Variants in ERC2 observed in about 807,000 individuals in gnomAD.
ERC2 encodes the protein ELKS/RAB6-interacting/CAST family member 2.
In ERC2, 42 loss-of-function variants were observed where a neutral mutation model predicts 114.8. The observed-to-expected ratio is 0.37, with a 90% CI of 0.29 to 0.47. The LOEUF is 0.47. ERC2 is among the 20% of genes least tolerant of loss of function. ERC2 has a pLI of 0.99. For missense variants in ERC2, 939 were observed against 1,150.7 expected, an observed-to-expected ratio of 0.82 and a Z score of 2.66; for synonymous variants, 454 against 425.5, an observed-to-expected ratio of 1.07 and a Z score of -0.82.
At chr3:56,422,439 G>T (rs1163526082) in intron 2 of ERC2, among the ~76,000 whole-genome samples, 1 of 152,120 alleles carries the variant, frequency 6.6e-6, no homozygotes, top group Non-Finnish European at 1.5e-5. Context: ...TTCTGGATGG[G>T]TTTCCAAGAC....
intron 16 of ERC2, among the ~76,000 whole-genome samples, chr3:55,699,056 T>C (rs1371532136): frequency 6.6e-6 from 1 of 152,088 alleles, no homozygotes; most frequent in Non-Finnish European, 1.5e-5. Context: ...AAGTGCTTTC[T>C]CTTAAAACTC....
intron 12 of ERC2, among the ~76,000 whole-genome samples, chr3:55,952,269 T>TAAATATTATTG (rs948935874): frequency 6.0e-5 from 9 of 150,398 alleles, no homozygotes; most frequent in African/African-American, 2.2e-4. Context: ...AGCCATGATT[T>TAAATATTATTG]AAATATTATT....
At chr3:56,256,546 A>G (rs1163693193) in intron 3 of ERC2, among the ~76,000 whole-genome samples, 1 of 151,692 alleles carries the variant, frequency 6.6e-6, no homozygotes, top group Non-Finnish European at 1.5e-5. Flanking sequence ...CTTAATTTCC[A>G]GGAATTTTTT....
chr3:56,069,258 CT>C (rs1324928848), intron 7 of ERC2, among the ~76,000 whole-genome samples: 1 of 152,166 alleles, frequency 6.6e-6, no homozygotes, highest in African/African-American at 2.4e-5. Context: ...CAGCAGCATT[CT>C]TTGTCAGTAT....
At chr3:56,196,640 A>G (rs2048124535) in intron 3 of ERC2, among the ~76,000 whole-genome samples, 1 of 152,184 alleles carries the variant, frequency 6.6e-6, no homozygotes, top group Non-Finnish European at 1.5e-5. Context: ...TCTAACAACT[A>G]CAGTGGTATA....
chr3:56,200,348 G>GAAAAAAAAAAAA (rs5849133), intron 3 of ERC2, among the ~76,000 whole-genome samples: 1 of 141,348 alleles, frequency 7.1e-6, no homozygotes. Flanking sequence ...ATACTCAGGG[G>GAAAAAAAAAAAA]AAAAAAAAAA....
Position 55,997,932 on chromosome 3 carries a change from T to G in ERC2, c.2062-5682A>C, listed in dbSNP as rs1559997336. Reference sequence around the variant, plus strand: ...TGTGTGTGTGTGTGTGTTTTTTGTTTTTTTTTTTTTTTTGGTAGAGATGGG... The same window carrying G: ...TGTGTGTGTGTGTGTGTTTTTTGTTGTTTTTTTTTTTTTGGTAGAGATGGG... On this transcript the variant is annotated intron_variant, in intron 10 of 17. Transcript: ENST00000288221. Among the ~76,000 whole-genome samples the G allele has an allele frequency of 1.2e-4, 16 of 138,250 alleles. No homozygotes were observed. The East Asian group carries it at 2.6e-3, about 23-fold the overall frequency. The allele number at this position is 138,250 out of a possible 152,430, so 90.7% of individuals were successfully genotyped here.
chr3:55,930,627 G>A (rs1357851455), intron 13 of ERC2, among the ~76,000 whole-genome samples: 2 of 152,122 alleles, frequency 1.3e-5, no homozygotes, highest in Non-Finnish European at 2.9e-5. Flanking sequence ...AGAGTTAAAC[G>A]TAAGATCTAA....
chr3:55,958,276 G>C (rs1028278003), intron 12 of ERC2, among the ~76,000 whole-genome samples: 1 of 152,212 alleles, frequency 6.6e-6, no homozygotes, highest in Non-Finnish European at 1.5e-5. Flanking sequence ...GAAGCAGGTA[G>C]CTCCTTCCCA....
intron 17 of ERC2, among the ~76,000 whole-genome samples, chr3:55,587,467 T>G (rs184555185): frequency 5.4e-4 from 82 of 152,378 alleles, no homozygotes; most frequent in Non-Finnish European, 7.2e-4. Flanking sequence ...TACCAGAACG[T>G]CTATCAATGA....
At chr3:56,091,936 C>T (rs2077814740) in intron 6 of ERC2, among the ~76,000 whole-genome samples, 1 of 151,322 alleles carries the variant, frequency 6.6e-6, no homozygotes, top group Non-Finnish European at 1.5e-5. Flanking sequence ...CTTCATTTAG[C>T]AGTCAAAAAT....
intron 6 of ERC2, among the ~76,000 whole-genome samples, chr3:56,091,485 A>C (rs767845261): frequency 1.2e-3 from 184 of 152,174 alleles, no homozygotes; most frequent in Non-Finnish European, 2.4e-3. Flanking sequence ...AAATGGCTAT[A>C]TGATTTGGAA....
chr3:56,002,176 C>A (rs1464748859), intron 10 of ERC2, among the ~76,000 whole-genome samples: 1 of 152,136 alleles, frequency 6.6e-6, no homozygotes, highest in East Asian at 1.9e-4. Flanking sequence ...GAACATCTTG[C>A]AGATCAAGCT....
At chr3:56,207,298 ATAGTT>A (rs949899902) in intron 3 of ERC2, among the ~76,000 whole-genome samples, 28 of 152,136 alleles carry the variant, frequency 1.8e-4, no homozygotes, top group African/African-American at 6.3e-4. Flanking sequence ...AAAACACACA[ATAGTT>A]TAGGGCAAAA....
intron 13 of ERC2, among the ~76,000 whole-genome samples, chr3:55,895,282 G>C (rs2063789347): frequency 6.6e-6 from 1 of 152,192 alleles, no homozygotes; most frequent in East Asian, 1.9e-4. Flanking sequence ...CAAAATATTT[G>C]AGGGCGGGAG....
chr3:55,952,165 A>T (rs2067580245), intron 12 of ERC2, among the ~76,000 whole-genome samples: 1 of 85,926 alleles, frequency 1.2e-5, no homozygotes, highest in Non-Finnish European at 2.4e-5. Flanking sequence ...ACACACACAC[A>T]CACACACACA....
chr3:55,704,835 C>T (rs560090072), intron 15 of ERC2, among the ~76,000 whole-genome samples: 4 of 152,342 alleles, frequency 2.6e-5, no homozygotes, highest in East Asian at 1.9e-4. Context: ...ATTCACTCAA[C>T]ACTTACTGAA....
At chr3:56,420,832 G>A (rs1159448923) in intron 2 of ERC2, among the ~76,000 whole-genome samples, 4 of 151,634 alleles carry the variant, frequency 2.6e-5, no homozygotes, top group Non-Finnish European at 5.9e-5. Flanking sequence ...AGGAGGCAGA[G>A]TTTGCAGTGA....
chr3:55,632,926 T>C (rs76924834), intron 17 of ERC2, among the ~76,000 whole-genome samples: 2,546 of 152,310 alleles, frequency 0.017, 76 homozygotes, highest in African/African-American at 0.057. Flanking sequence ...ACCACAAGTG[T>C]TCAAATTCCT....
Sources: allele counts gnomAD v4.1 joint callset (sites outside exome capture counted in the v4.1 genomes callset), GRCh38; gene constraint gnomAD v4.1.1; transcripts MANE v1.5; gene names NCBI Gene and HGNC (gene_info 2026-07-23, HGNC 2026-07-21).